The following STAC variants were observed in gnomAD, a reference collection of about 807,000 sequenced individuals.
STAC encodes the protein SH3 and cysteine rich domain.
STAC carries 43 observed loss-of-function variants against 48.8 expected under a neutral mutation model. The ratio of observed to expected loss-of-function variants is 0.88; its 90% CI spans 0.69 to 1.14. STAC has a LOEUF of 1.14. STAC is among the 50% of genes most tolerant of loss of function. STAC has a pLI of 0.00. For missense variants in STAC, 497 were observed against 504.0 expected (o/e 0.99, Z 0.13); for synonymous variants, 193 against 179.5 (o/e 1.07, Z -0.60).
chr3:36,474,037 G>A (rs998839210), intron 2 of STAC, among the ~76,000 whole-genome samples: 3 of 152,104 alleles, frequency 2.0e-5, no homozygotes, highest in African/African-American at 7.2e-5. Context: ...AGCTTGGAGG[G>A]CTTAGCAATA....
intron 1 of STAC, among the ~76,000 whole-genome samples, chr3:36,386,292 T>C (rs899089120): frequency 2.6e-5 from 4 of 152,032 alleles, no homozygotes; most frequent in African/African-American, 7.2e-5. Context: ...TTCAAGTCTT[T>C]TGCCATTTTT....
chr3:36,516,180 C>T (rs1327755203), intron 8 of STAC, among the ~76,000 whole-genome samples: 4 of 151,820 alleles, frequency 2.6e-5, no homozygotes, highest in Admixed American at 2.6e-4. Flanking sequence ...AACGGGGTTT[C>T]ATCATGTTGG....
chr3:36,381,990 G>C (rs1391971636), intron 1 of STAC, among the ~76,000 whole-genome samples: 1 of 152,178 alleles, frequency 6.6e-6, no homozygotes, highest in Non-Finnish European at 1.5e-5. Flanking sequence ...ATTGTGAGGA[G>C]TACATGAGAG....
At chr3:36,532,583 C>T (rs893729723) in intron 10 of STAC, among the ~76,000 whole-genome samples, 3 of 152,186 alleles carry the variant, frequency 2.0e-5, no homozygotes, top group Admixed American at 6.5e-5. Context: ...CAGAAGCCAG[C>T]ATCTGCCTAT....
In STAC at chr3:36,504,379, CTT is replaced by C. The variant is rs1698348307; in HGVS notation, c.767-13_767-12del. 6.2e-7 allele frequency: 1 copy of C among 1,612,028 alleles called. No homozygotes were observed. Among genetic ancestry groups the C allele is most frequent in the Non-Finnish European group, 8.5e-7 (1 of 1,178,532 alleles). On this transcript the variant is annotated splice_polypyrimidine_tract_variant and intron_variant, in intron 6 of 10. Transcript: ENST00000273183. ...TAGATTCATAGAGCACCTGCTTTCT[CTT>C]GTCTCCTTCAGTGTTTACATATCCA...
chr3:36,546,459 C>A lies in STAC; in HGVS notation c.*170C>A. ...GGAGTAATAGCCACAAAACAGAGGG[C>A]CCACTGCACAGCATATCCAGGCTGC... On this transcript the variant is annotated 3_prime_UTR_variant, in exon 11 of 11. Transcript: ENST00000273183. 1 of 616,106 alleles carries A rather than the reference C, an allele frequency of 1.6e-6. No homozygotes were observed. The highest frequency in any genetic ancestry group is 2.9e-6 in the Non-Finnish European group (1 of 350,780). 38.2% of individuals were successfully genotyped at this position (616,106 alleles called of 1,614,324 possible). A position where few individuals can be genotyped will look rare whatever the true frequency, so the allele number is the denominator to read the frequency against.
chr3:36,430,418 A>T (rs935665619), intron 1 of STAC, among the ~76,000 whole-genome samples: 7 of 152,214 alleles, frequency 4.6e-5, no homozygotes, highest in Non-Finnish European at 1.0e-4. Context: ...AATGAGCAGT[A>T]GGTCTCCAGG....
intron 2 of STAC, among the ~76,000 whole-genome samples, chr3:36,468,845 CTCT>C (rs1156887849): frequency 2.0e-5 from 3 of 150,006 alleles, no homozygotes; most frequent in Non-Finnish European, 3.0e-5. Context: ...TATAATGTTC[CTCT>C]TCTTCTTTTT....
At chr3:36,492,031 A>AAAAAAAAAATATATATAT (rs1553639882) in intron 5 of STAC, among the ~76,000 whole-genome samples, 1 of 16,436 alleles carries the variant, frequency 6.1e-5, no homozygotes, top group Non-Finnish European at 1.2e-4. Flanking sequence ...AAAAAAAAAA[A>AAAAAAAAAATATATATAT]ATATATATAT....
At chr3:36,408,881 C>A (rs1161266690) in intron 1 of STAC, among the ~76,000 whole-genome samples, 1 of 152,128 alleles carries the variant, frequency 6.6e-6, no homozygotes, top group Admixed American at 6.5e-5. Context: ...GTTTCATATA[C>A]CTCCAGTTGT....
chr3:36,407,792 T>C (rs561786448), intron 1 of STAC, among the ~76,000 whole-genome samples: 60 of 152,320 alleles, frequency 3.9e-4, no homozygotes, highest in African/African-American at 1.4e-3. Context: ...CAACACAAAG[T>C]TGTTATCTCA....
intron 10 of STAC, among the ~76,000 whole-genome samples, chr3:36,538,555 C>T (rs1472998389): frequency 3.9e-5 from 6 of 152,148 alleles, no homozygotes; most frequent in Non-Finnish European, 5.9e-5. Context: ...CAGATCAAGA[C>T]GTGTACAATT....
intron 2 of STAC, among the ~76,000 whole-genome samples, chr3:36,466,919 TGTTCCA>T (rs951607330): frequency 3.9e-5 from 6 of 152,044 alleles, no homozygotes; most frequent in Admixed American, 6.6e-5. Context: ...ATCCTAGTCT[TGTTCCA>T]GTTCTCGGGG....
chr3:36,427,625 G>T (rs1052174595), intron 1 of STAC, among the ~76,000 whole-genome samples: 3 of 152,134 alleles, frequency 2.0e-5, no homozygotes, highest in African/African-American at 7.2e-5. Flanking sequence ...AGATTCACTA[G>T]ATTCTAGATT....
chr3:36,498,614 G>A (rs1453357982), intron 6 of STAC, among the ~76,000 whole-genome samples: 2 of 152,076 alleles, frequency 1.3e-5, no homozygotes, highest in East Asian at 1.9e-4. Context: ...TTAGCCAGGC[G>A]TGGTGGTGCC....
In STAC at chr3:36,546,533, A is replaced by G. The variant is rs538083428; in HGVS notation, c.*244A>G. 9.0e-6 allele frequency: 5 copies of G among 554,658 alleles called. No individual in the cohort carries two copies. In the South Asian group the frequency reaches 1.3e-4, roughly 14 times the overall value. The allele number at this position is 554,658 out of a possible 1,614,324, so 34.4% of individuals were successfully genotyped here. On this transcript the variant is annotated 3_prime_UTR_variant, in exon 11 of 11. Transcript: ENST00000273183. ...GAGTCAGCAGGCAGAGCCAGATGCCATGCTTGGCAGCAGCAGTAGGACTAT... is the reference window on the plus strand; with the variant it reads ...GAGTCAGCAGGCAGAGCCAGATGCCGTGCTTGGCAGCAGCAGTAGGACTAT...
chr3:36,406,182 C>G (rs552839651), intron 1 of STAC, among the ~76,000 whole-genome samples: 1 of 152,192 alleles, frequency 6.6e-6, no homozygotes, highest in African/African-American at 2.4e-5. Flanking sequence ...GGTTAAATGG[C>G]CTGCTTAGGT....
chr3:36,435,639 T>C (rs1391608586), intron 1 of STAC, among the ~76,000 whole-genome samples: 1 of 152,178 alleles, frequency 6.6e-6, no homozygotes, highest in Non-Finnish European at 1.5e-5. Flanking sequence ...TCTGCTCACT[T>C]TTCTTCCAGC....
chr3:36,496,943 A>C (rs977781830), intron 6 of STAC, among the ~76,000 whole-genome samples: 1 of 152,214 alleles, frequency 6.6e-6, no homozygotes, highest in Non-Finnish European at 1.5e-5. Flanking sequence ...ATTTTCTTCA[A>C]AAAGGGCTGG....
Sources: allele counts gnomAD v4.1 joint callset (sites outside exome capture counted in the v4.1 genomes callset), GRCh38; gene constraint gnomAD v4.1.1; transcripts MANE v1.5; gene names NCBI Gene and HGNC (gene_info 2026-07-23, HGNC 2026-07-21).